ZBTB16: variants seen among roughly 807,000 people sequenced by gnomAD.
The protein encoded by ZBTB16 is zinc finger and BTB domain containing 16.
ZBTB16 carries 8 observed loss-of-function variants against 56.8 expected under a neutral mutation model. The ratio of observed to expected loss-of-function variants is 0.14; its 90% confidence interval spans 0.08 to 0.25. The LOEUF (loss-of-function observed/expected upper bound fraction) is 0.25. Among genes scored for constraint, ZBTB16 ranks in the 10% least tolerant of loss-of-function variants. The pLI is 1.00. For missense variants in ZBTB16, 625 were observed against 903.0 expected, an observed-to-expected ratio of 0.69 and a Z score of 3.95; for synonymous variants, 363 against 368.5, an observed-to-expected ratio of 0.98 and a Z score of 0.17.
At chr11:114,239,346 A>C (rs924874837) in intron 4 of ZBTB16, among the ~76,000 whole-genome samples, 3 of 151,956 alleles carry the variant, frequency 2.0e-5, no homozygotes, top group African/African-American at 7.3e-5. Flanking sequence ...AGCCTACTCA[A>C]CCCTACTGAT....
At chr11:114,169,786 G>C (rs1310628295) in intron 3 of ZBTB16, among the ~76,000 whole-genome samples, 3 of 152,200 alleles carry the variant, frequency 2.0e-5, no homozygotes, top group South Asian at 2.1e-4. Context: ...AAGAACCAGG[G>C]GAATGAGGAG....
intron 2 of ZBTB16, among the ~76,000 whole-genome samples, chr11:114,128,602 C>T (rs1159113263): frequency 6.6e-6 from 1 of 152,188 alleles, no homozygotes; most frequent in Non-Finnish European, 1.5e-5. Context: ...TTATTAGCAC[C>T]TGGCACACAG....
chr11:114,181,477 A>G (rs1358020424), intron 3 of ZBTB16, among the ~76,000 whole-genome samples: 1 of 152,242 alleles, frequency 6.6e-6, no homozygotes, highest in Non-Finnish European at 1.5e-5. Flanking sequence ...CTCCTGAGGT[A>G]TAAATGGCAC....
In ZBTB16 at chr11:114,247,190, C is replaced by A; in HGVS notation, c.1625-8C>A. ...GCAAAGGCCTGATCCAGCCCCTTGTCTCCACAGGCGACCACCCCTACGAGT... is the reference window on the plus strand; with the variant it reads ...GCAAAGGCCTGATCCAGCCCCTTGTATCCACAGGCGACCACCCCTACGAGT... On this transcript the variant is annotated splice_region_variant and splice_polypyrimidine_tract_variant and intron_variant, in intron 5 of 6. Transcript: ENST00000335953. 6.2e-7 allele frequency: 1 copy of A among 1,614,236 alleles called. No homozygotes were observed. Among genetic ancestry groups the A allele is most frequent in the Non-Finnish European group, 8.5e-7 (1 of 1,180,054 alleles).
chr11:114,233,079 GCGCACACACACA>G (rs755952167), intron 4 of ZBTB16, among the ~76,000 whole-genome samples: 2 of 53,762 alleles, frequency 3.7e-5, no homozygotes, highest in African/African-American at 1.2e-4. Context: ...GCGCGCGCGC[GCGCACACACACA>G]CACACACACA....
At chr11:114,173,040 A>G (rs1381701222) in intron 3 of ZBTB16, among the ~76,000 whole-genome samples, 1 of 152,176 alleles carries the variant, frequency 6.6e-6, no homozygotes, top group Non-Finnish European at 1.5e-5. Flanking sequence ...GGGGTAAGGA[A>G]GCCAGACTCT....
intron 2 of ZBTB16, among the ~76,000 whole-genome samples, chr11:114,066,261 G>A (rs1939114258): frequency 6.6e-6 from 1 of 152,202 alleles, no homozygotes. Flanking sequence ...CTCCTCGACA[G>A]CTCAGAGGCT....
intron 2 of ZBTB16, among the ~76,000 whole-genome samples, chr11:114,123,638 G>A (rs1330588435): frequency 6.6e-6 from 1 of 152,156 alleles, no homozygotes; most frequent in Non-Finnish European, 1.5e-5. Flanking sequence ...GCTGCCCTGT[G>A]TCTCAGTTTA....
chr11:114,163,200 C>G (rs1942642192), intron 3 of ZBTB16, among the ~76,000 whole-genome samples: 1 of 146,092 alleles, frequency 6.8e-6, no homozygotes, highest in Non-Finnish European at 1.5e-5. Context: ...CTCAGTCCCC[C>G]CCCAACCCCA....
At chr11:114,126,422 G>A (rs576477640) in intron 2 of ZBTB16, among the ~76,000 whole-genome samples, 2 of 152,290 alleles carry the variant, frequency 1.3e-5, no homozygotes, top group South Asian at 4.1e-4. Context: ...GGTGGTACTG[G>A]CTGTGGGTGA....
At chr11:114,167,244 T>TTTTTTTTTTTTTTTTTTG (rs1565663256) in intron 3 of ZBTB16, among the ~76,000 whole-genome samples, 1 of 139,632 alleles carries the variant, frequency 7.2e-6, no homozygotes, top group Non-Finnish European at 1.5e-5. Context: ...TTTTTTTTTT[T>TTTTTTTTTTTTTTTTTTG]TTTTTTTTTG....
intron 2 of ZBTB16, among the ~76,000 whole-genome samples, chr11:114,118,376 C>T (rs191517542): frequency 8.5e-5 from 13 of 152,208 alleles, no homozygotes; most frequent in Non-Finnish European, 5.9e-5. Flanking sequence ...AGGGTTTTAC[C>T]ATGTTGGCCA....
chr11:114,185,604 G>C (rs1426200535), intron 3 of ZBTB16, among the ~76,000 whole-genome samples: 1 of 152,206 alleles, frequency 6.6e-6, no homozygotes, highest in Non-Finnish European at 1.5e-5. Flanking sequence ...AGTAGATTGC[G>C]GGTGGCTGGT....
intron 2 of ZBTB16, among the ~76,000 whole-genome samples, chr11:114,089,136 G>T (rs369978689): frequency 1.6e-4 from 25 of 152,220 alleles, no homozygotes; most frequent in Admixed American, 1.3e-3. Context: ...GAAGACCTTT[G>T]CTGGGAGTGG....
At chr11:114,077,944 A>T (rs1020705555) in intron 2 of ZBTB16, among the ~76,000 whole-genome samples, 1 of 152,176 alleles carries the variant, frequency 6.6e-6, no homozygotes, top group Non-Finnish European at 1.5e-5. Flanking sequence ...TTAACAACCT[A>T]TGAGGAGTAG....
At chr11:114,093,337 T>TGGG (rs111607595) in intron 2 of ZBTB16, among the ~76,000 whole-genome samples, 5 of 151,108 alleles carry the variant, frequency 3.3e-5, no homozygotes, top group South Asian at 2.1e-4. Flanking sequence ...GCTGGGGGTG[T>TGGG]GGAGGGGGGA....
intron 3 of ZBTB16, among the ~76,000 whole-genome samples, chr11:114,179,002 A>G (rs558105946): frequency 4.1e-4 from 62 of 152,074 alleles, no homozygotes; most frequent in Non-Finnish European, 7.2e-4. Context: ...TCCATCCTAT[A>G]TTTATGTGGG....
chr11:114,222,770 T>A (rs1944254491), intron 4 of ZBTB16, among the ~76,000 whole-genome samples: 1 of 152,218 alleles, frequency 6.6e-6, no homozygotes, highest in African/African-American at 2.4e-5. Context: ...TTAGCATCCC[T>A]GTTCTAGAGA....
intron 2 of ZBTB16, among the ~76,000 whole-genome samples, chr11:114,131,903 G>T (rs984926595): frequency 6.6e-6 from 1 of 152,108 alleles, no homozygotes; most frequent in African/African-American, 2.4e-5. Context: ...AAAATGGGGA[G>T]ATTTTGCATG....
Sources: allele counts gnomAD v4.1 joint callset (sites outside exome capture counted in the v4.1 genomes callset), GRCh38; gene constraint gnomAD v4.1.1; transcripts MANE v1.5; gene names NCBI Gene and HGNC (gene_info 2026-07-23, HGNC 2026-07-21).